MROH7: variants seen among roughly 807,000 people sequenced by gnomAD.
MROH7 encodes the protein maestro heat like repeat family member 7, also known as maestro heat-like repeat-containing protein family member 7.
In MROH7, 113 loss-of-function variants were observed where a neutral mutation model predicts 129.2. The ratio of observed to expected loss-of-function variants is 0.87; its 90% confidence interval spans 0.75 to 1.02. The LOEUF is 1.02. Ranked by LOEUF, MROH7 falls within the 50% of genes least tolerant of loss-of-function variation. The probability of loss-of-function intolerance (pLI) is 0.00; values close to 1 mark genes in which losing one functional copy is unlikely to be tolerated. For missense variants in MROH7, 1,601 were observed against 1,671.3 expected (o/e 0.96, Z 0.73); for synonymous variants, 655 against 667.9 (o/e 0.98, Z 0.30).
At chr1:54,689,582 G>A (rs1339353264) in intron 15 of MROH7, among the ~76,000 whole-genome samples, 3 of 152,228 alleles carry the variant, frequency 2.0e-5, no homozygotes, top group African/African-American at 7.2e-5. Flanking sequence ...GCAGGCTCTG[G>A]TAATGAGTGC....
chr1:54,686,820 A>G (rs1645155827), intron 15 of MROH7, among the ~76,000 whole-genome samples: 1 of 152,146 alleles, frequency 6.6e-6, no homozygotes, highest in African/African-American at 2.4e-5. Context: ...TGGGTAAAAT[A>G]CTCAAAAGAC....
chr1:54,660,860 A>G (rs752755545), intron 3 of MROH7, among the ~76,000 whole-genome samples: 3 of 152,140 alleles, frequency 2.0e-5, no homozygotes, highest in African/African-American at 7.2e-5. Context: ...ATAAAAAATC[A>G]TAGTCATTCT....
intron 14 of MROH7, among the ~76,000 whole-genome samples, chr1:54,685,212 T>TC (rs1054293504): frequency 1.3e-5 from 2 of 152,154 alleles, no homozygotes; most frequent in African/African-American, 4.8e-5. Flanking sequence ...AGACGGGGTT[T>TC]CCCCATGTTG....
chr1:54,701,027 A>C, intron 18 of MROH7, 116 bp from the exon 19 acceptor site: 22 of 1,082,698 alleles, frequency 2.0e-5, no homozygotes, highest in African/African-American at 3.1e-5. Context: ...GGCATAGGCC[A>C]AGGCCTGGAA....
Position 54,709,995 on chromosome 1 carries a change from A to T in MROH7, c.3780A>T (p.Ala1260=). 1 of 1,614,140 alleles carries T rather than the reference A, an allele frequency of 6.2e-7. No homozygotes were observed. The change falls in exon 24 of 24, where the codon GCA becomes GCT. Residue 1260 remains alanine (A), a synonymous_variant. Transcript: ENST00000421030. Reference sequence around the variant, plus strand: ...CAGAAGCATCAGTGTGCATCTACGCAGCCCAGGTCCAGGACCACATCCTGG... The same window carrying T: ...CAGAAGCATCAGTGTGCATCTACGCTGCCCAGGTCCAGGACCACATCCTGG... ...HDPEASVCIY[A]AQVQDHILAS...
At chr1:54,665,639 T>C (rs1644802169) in intron 4 of MROH7, 1 of 163,406 alleles carries the variant, frequency 6.1e-6, no homozygotes, top group African/African-American at 2.4e-5. Context: ...GTCTGGGCCA[T>C]GTGGCAGGCT....
At position 54,702,587 on chromosome 1, in the gene MROH7, C is replaced by G. The variant is rs773279704; in HGVS notation, c.3442-36C>G. 14 of 1,529,764 alleles carry G rather than the reference C, an allele frequency of 9.2e-6. No individual in the cohort carries two copies. In the Admixed American group the frequency reaches 2.8e-4, roughly 30 times the overall value. 94.8% of individuals were successfully genotyped at this position (1,529,764 alleles called of 1,614,324 possible). A position where few individuals can be genotyped will look rare whatever the true frequency, so the allele number is the denominator to read the frequency against. ...TTTTTCTGGACCATAGTCTGGCTGTCCACAGTTCTGATATTTTCTTCCTAT... is the reference window on the plus strand; with the variant it reads ...TTTTTCTGGACCATAGTCTGGCTGTGCACAGTTCTGATATTTTCTTCCTAT... On this transcript the variant is annotated intron_variant, in intron 20 of 23. Transcript: ENST00000421030.
At chr1:54,654,936 C>T (rs1465444539) in intron 3 of MROH7, among the ~76,000 whole-genome samples, 1 of 151,824 alleles carries the variant, frequency 6.6e-6, no homozygotes, top group Non-Finnish European at 1.5e-5. Context: ...TTTATTTGTC[C>T]ATGCGCCAAT....
chr1:54,670,384 C>A, intron 5 of MROH7, 113 bp from the exon 6 acceptor site: 1 of 780,716 alleles, frequency 1.3e-6, no homozygotes, highest in Non-Finnish European at 2.1e-6. Flanking sequence ...GCGGGAGGAG[C>A]ACTTGAGGGT....
intron 17 of MROH7, chr1:54,699,854 T>G (rs1301692839): frequency 2.0e-6 from 1 of 499,424 alleles, no homozygotes; most frequent in Non-Finnish European, 3.5e-6. Context: ...AGGGGCAGTG[T>G]CAAGCCTAGC....
At chr1:54,650,672 A>G (rs140298033) in intron 1 of MROH7, among the ~76,000 whole-genome samples, 2 of 141,584 alleles carry the variant, frequency 1.4e-5, no homozygotes, top group Admixed American at 7.1e-5. Context: ...TTATCTCCCT[A>G]CTTTCCTTAC....
chr1:54,670,722 G>T, intron 6 of MROH7, 78 bp from the exon 7 acceptor site: 1 of 1,550,390 alleles, frequency 6.4e-7, no homozygotes, highest in Non-Finnish European at 8.7e-7. Flanking sequence ...CAGTCCCTGT[G>T]CTCCTCAGCT....
At chr1:54,682,191 C>T (rs1278864537) in intron 13 of MROH7, among the ~76,000 whole-genome samples, 11 of 131,434 alleles carry the variant, frequency 8.4e-5, no homozygotes, top group Admixed American at 1.6e-4. Flanking sequence ...GATGGAGTTT[C>T]GCTCTTTTCT....
Position 54,680,086 on chromosome 1 carries a change from G to C in MROH7, c.2381+41G>C, listed in dbSNP as rs760926038. ...GTTCCCAGCCACTGCATCTTACAGG[G>C]TTCAAGCAGCCCCCACCCCAGGTTG... On this transcript the variant is annotated intron_variant, in intron 13 of 23. Transcript: ENST00000421030. 3.5e-5 allele frequency: 55 copies of C among 1,593,832 alleles called. No homozygotes were observed. The Admixed American group carries it at 9.3e-4, about 27-fold the overall frequency.
intron 1 of MROH7, among the ~76,000 whole-genome samples, chr1:54,651,064 C>T (rs1334613506): frequency 6.6e-6 from 1 of 152,168 alleles, no homozygotes; most frequent in Non-Finnish European, 1.5e-5. Context: ...TCTTCCCCAG[C>T]TCTCTCATCT....
chr1:54,672,956 T>A, intron 7 of MROH7, 135 bp from the exon 8 acceptor site: 1 of 621,752 alleles, frequency 1.6e-6, no homozygotes, highest in Non-Finnish European at 2.9e-6. Context: ...ATCAAGTTAG[T>A]CTCAGAGGTG....
At chr1:54,677,367 C>G (rs1358436001) in intron 10 of MROH7, among the ~76,000 whole-genome samples, 1 of 152,172 alleles carries the variant, frequency 6.6e-6, no homozygotes, top group African/African-American at 2.4e-5. Flanking sequence ...CCACTGCACT[C>G]CAGCCTGGGC....
intron 13 of MROH7, among the ~76,000 whole-genome samples, chr1:54,681,776 C>G (rs1270997613): frequency 6.6e-6 from 1 of 152,120 alleles, no homozygotes; most frequent in Non-Finnish European, 1.5e-5. Flanking sequence ...GTGACAAGTG[C>G]AGGATCCTAG....
At chr1:54,668,627 T>A (rs1403367239) in intron 4 of MROH7, among the ~76,000 whole-genome samples, 1 of 152,184 alleles carries the variant, frequency 6.6e-6, no homozygotes, top group African/African-American at 2.4e-5. Flanking sequence ...CCCTCATATC[T>A]GGTCCTCTTC....
Sources: allele counts gnomAD v4.1 joint callset (sites outside exome capture counted in the v4.1 genomes callset), GRCh38; gene constraint gnomAD v4.1.1; transcripts MANE v1.5; gene names NCBI Gene and HGNC (gene_info 2026-07-23, HGNC 2026-07-21).